Variants in COMMD1 observed in about 807,000 individuals in gnomAD.
COMMD1 encodes COMM domain-containing protein 1.
COMMD1 carries 10 observed loss-of-function variants against 17.2 expected under a neutral mutation model. That is an observed-to-expected ratio of 0.58 (90% confidence interval 0.36 to 0.99). COMMD1 has a LOEUF of 0.99. COMMD1 is among the 50% of genes least tolerant of loss of function. The pLI, the probability that COMMD1 is intolerant of heterozygous loss-of-function variation, is 0.01. For missense variants in COMMD1, 270 were observed against 231.8 expected, an observed-to-expected ratio of 1.17 and a Z score of -1.07; for synonymous variants, 97 against 91.6, an observed-to-expected ratio of 1.06 and a Z score of -0.34.
chr2:61,941,285 C>T (rs1417103512), intron 1 of COMMD1, among the ~76,000 whole-genome samples: 1 of 152,168 alleles, frequency 6.6e-6, no homozygotes, highest in Non-Finnish European at 1.5e-5. Flanking sequence ...GCCTCAGCCT[C>T]CCAAAGTGCT....
intron 2 of COMMD1, among the ~76,000 whole-genome samples, chr2:62,050,384 A>G (rs1670502981): frequency 6.6e-6 from 1 of 152,240 alleles, no homozygotes; most frequent in Non-Finnish European, 1.5e-5. Flanking sequence ...AATGTCTGCC[A>G]TCTCAATGAA....
intron 2 of COMMD1, among the ~76,000 whole-genome samples, chr2:62,022,962 C>T (rs1416258755): frequency 1.3e-5 from 2 of 152,210 alleles, no homozygotes; most frequent in Non-Finnish European, 2.9e-5. Context: ...TTAAAAATCT[C>T]ACACCTGTAA....
At chr2:61,935,250 A>AT (rs1186860901) in intron 1 of COMMD1, among the ~76,000 whole-genome samples, 3 of 152,252 alleles carry the variant, frequency 2.0e-5, no homozygotes, top group Admixed American at 2.0e-4. Context: ...TCCAATTTAC[A>AT]GAGTAGTGAA....
chr2:61,890,594 A>G (rs961553919), intron 1 of COMMD1, among the ~76,000 whole-genome samples: 2 of 152,048 alleles, frequency 1.3e-5, no homozygotes, highest in African/African-American at 4.8e-5. Context: ...TAATCCCAGC[A>G]CTTTGGGAGG....
chr2:62,129,694 C>T (rs1363821650), intron 2 of COMMD1, among the ~76,000 whole-genome samples: 1 of 152,194 alleles, frequency 6.6e-6, no homozygotes, highest in African/African-American at 2.4e-5. Flanking sequence ...ATTTTAATGT[C>T]TGCCATATGT....
chr2:62,023,548 A>G (rs1669671236), intron 2 of COMMD1, among the ~76,000 whole-genome samples: 1 of 152,010 alleles, frequency 6.6e-6, no homozygotes, highest in Non-Finnish European at 1.5e-5. Flanking sequence ...CAGTGGAGCA[A>G]TCTTGGTTCA....
chr2:61,957,046 C>T (rs1015025902), intron 1 of COMMD1, among the ~76,000 whole-genome samples: 8 of 151,808 alleles, frequency 5.3e-5, no homozygotes, highest in Admixed American at 3.3e-4. Context: ...CCACCACGCC[C>T]GGCAAGAAGG....
chr2:61,990,504 A>T (rs1389579706), intron 1 of COMMD1, among the ~76,000 whole-genome samples: 1 of 152,188 alleles, frequency 6.6e-6, no homozygotes. Context: ...CCTGGGCAAC[A>T]TAGTGAGCCC....
At chr2:62,072,316 C>G (rs1336889388) in intron 2 of COMMD1, among the ~76,000 whole-genome samples, 1 of 152,024 alleles carries the variant, frequency 6.6e-6, no homozygotes, top group Non-Finnish European at 1.5e-5. Context: ...TGCCTTTTAA[C>G]CAATCAAATG....
At chr2:62,000,018 G>A (rs1668881831) in intron 1 of COMMD1, among the ~76,000 whole-genome samples, 1 of 150,798 alleles carries the variant, frequency 6.6e-6, no homozygotes, top group African/African-American at 2.4e-5. Flanking sequence ...TGCCTCCCGG[G>A]TTCAAGCGAT....
intron 1 of COMMD1, among the ~76,000 whole-genome samples, chr2:61,968,685 T>C (rs1267754619): frequency 6.6e-6 from 1 of 151,636 alleles, no homozygotes. Context: ...GCCTTTCCAG[T>C]AGTTGTCACC....
chr2:62,086,458 C>A (rs1173253766), intron 2 of COMMD1, among the ~76,000 whole-genome samples: 10 of 149,962 alleles, frequency 6.7e-5, no homozygotes, highest in African/African-American at 2.5e-4. Context: ...TTGCAGTGAG[C>A]AGAGATCGCG....
At chr2:61,901,173 C>A (rs1317808344), upstream of COMMD1, among the ~76,000 whole-genome samples, 3 of 151,798 alleles carry the variant, frequency 2.0e-5, no homozygotes, top group Admixed American at 2.0e-4. Flanking sequence ...TCTTGAACTC[C>A]TGACCTCAGG....
intron 2 of COMMD1, among the ~76,000 whole-genome samples, chr2:62,047,809 A>AT (rs1037628890): frequency 3.3e-5 from 5 of 152,042 alleles, no homozygotes; most frequent in African/African-American, 9.7e-5. Context: ...TACACTGTAT[A>AT]TTTTTTGTAT....
chr2:62,060,970 C>T (rs151208449), intron 2 of COMMD1, among the ~76,000 whole-genome samples: 25 of 151,926 alleles, frequency 1.6e-4, no homozygotes, highest in African/African-American at 4.4e-4. Context: ...CTGATCCTTC[C>T]GTCATCTCCA....
chr2:62,080,354 C>T (rs1457533717), intron 2 of COMMD1, among the ~76,000 whole-genome samples: 1 of 152,180 alleles, frequency 6.6e-6, no homozygotes, highest in Non-Finnish European at 1.5e-5. Context: ...CTGCCCTGTT[C>T]CTAGTACCCA....
chr2:61,929,039 G>A (rs1158187753), intron 1 of COMMD1, among the ~76,000 whole-genome samples: 2 of 152,184 alleles, frequency 1.3e-5, no homozygotes, highest in Admixed American at 6.5e-5. Flanking sequence ...GCTTAGGAGC[G>A]GAGTTCATTG....
intron 2 of COMMD1, among the ~76,000 whole-genome samples, chr2:62,035,282 A>C (rs1408105734): frequency 1.3e-5 from 2 of 152,216 alleles, no homozygotes; most frequent in Non-Finnish European, 2.9e-5. Flanking sequence ...CCTTTATTCC[A>C]ATACATATTT....
chr2:61,951,390 A>T (rs1169990065), intron 1 of COMMD1, among the ~76,000 whole-genome samples: 2 of 151,684 alleles, frequency 1.3e-5, no homozygotes, highest in Non-Finnish European at 2.9e-5. Flanking sequence ...AACCTGGGAG[A>T]TAGAGATTGC....
Sources: allele counts gnomAD v4.1 joint callset (sites outside exome capture counted in the v4.1 genomes callset), GRCh38; gene constraint gnomAD v4.1.1; transcripts MANE v1.5; gene names NCBI Gene and HGNC (gene_info 2026-07-23, HGNC 2026-07-21).